The following TRAF3 variants were observed in gnomAD, a reference collection of about 807,000 sequenced individuals.
The protein encoded by TRAF3 is TNF receptor associated factor 3.
A neutral mutation model predicts 62.3 loss-of-function variants in TRAF3; 13 were observed. That is an observed-to-expected ratio of 0.21 (90% CI 0.14 to 0.33). The LOEUF (loss-of-function observed/expected upper bound fraction) is 0.33, where lower values mean the gene tolerates loss of function less well. Among genes scored for constraint, TRAF3 ranks in the 10% least tolerant of loss-of-function variants. TRAF3 has a pLI of 1.00. For missense variants in TRAF3, 440 were observed against 741.8 expected (o/e 0.59, Z 4.73); for synonymous variants, 269 against 283.4 (o/e 0.95, Z 0.51).
intron 8 of TRAF3, among the ~76,000 whole-genome samples, 175 bp downstream of exon 8, chr14:102,889,809 AG>A (rs1889608749): frequency 6.6e-6 from 1 of 152,224 alleles, no homozygotes; most frequent in African/African-American, 2.4e-5. Context: ...CTCGCTTTCC[AG>A]TTGGTGGTGC....
At chr14:102,777,901 C>T (rs1266286685) in intron 1 of TRAF3, among the ~76,000 whole-genome samples, 4 of 149,418 alleles carry the variant, frequency 2.7e-5, no homozygotes, top group Admixed American at 6.6e-5. Flanking sequence ...GACGCCTCAA[C>T]TTCGGCAAAC....
intron 2 of TRAF3, among the ~76,000 whole-genome samples, chr14:102,852,777 T>C (rs1887122346): frequency 6.6e-6 from 1 of 152,124 alleles, no homozygotes; most frequent in Non-Finnish European, 1.5e-5. Flanking sequence ...CGTAGTTCAC[T>C]GTAACCTTGA....
intron 2 of TRAF3, among the ~76,000 whole-genome samples, chr14:102,835,485 A>G (rs1885944816): frequency 6.6e-6 from 1 of 152,226 alleles, no homozygotes; most frequent in Non-Finnish European, 1.5e-5. Flanking sequence ...AATAGCAAAG[A>G]CATGGAATCC....
At chr14:102,811,425 A>G (rs1011168120) in intron 1 of TRAF3, among the ~76,000 whole-genome samples, 1 of 151,178 alleles carries the variant, frequency 6.6e-6, no homozygotes, top group African/African-American at 2.4e-5. Flanking sequence ...TCCTGGGCTT[A>G]AGCAGTTTTC....
chr14:102,903,123 G>A lies in TRAF3; in HGVS notation c.961-132G>A, dbSNP rs542256796. The stretch of plus-strand genomic sequence containing the variant: ...GCAGAGCCCCACTCCTGGAGTCAGA[G>A]CCGCGGGTGGCAGGCCTCATACAGG... On this transcript the variant is annotated intron_variant, in intron 10 of 11. Coordinates refer to ENST00000392745, the MANE Select transcript of TRAF3 (RefSeq NM_145725.3). The surrounding 1 kb of genome is among the most constrained non-coding windows in gnomAD (Gnocchi z 6.4). The A allele has an allele frequency of 3.6e-5, 45 of 1,267,524 alleles. No homozygotes were observed. The highest frequency in any genetic ancestry group is 7.4e-5 in the Admixed American group (4 of 54,172). 78.5% of individuals were successfully genotyped at this position (1,267,524 alleles called of 1,614,324 possible).
At chr14:102,781,350 A>G (rs1466452950) in intron 1 of TRAF3, among the ~76,000 whole-genome samples, 1 of 152,150 alleles carries the variant, frequency 6.6e-6, no homozygotes, top group Non-Finnish European at 1.5e-5. Flanking sequence ...CTGGGAGCTC[A>G]TGTGGGTCAT....
intron 2 of TRAF3, among the ~76,000 whole-genome samples, chr14:102,846,679 G>A (rs1055544062): frequency 2.7e-5 from 4 of 148,246 alleles, no homozygotes; most frequent in Non-Finnish European, 5.9e-5. Context: ...TTCCGGACAC[G>A]GTGGCATCCT....
chr14:102,899,316 A>C (rs951620338), intron 10 of TRAF3, among the ~76,000 whole-genome samples: 11 of 152,208 alleles, frequency 7.2e-5, no homozygotes, highest in African/African-American at 2.6e-4. Flanking sequence ...TGGGAGCTGC[A>C]CGGGGCCAGG....
chr14:102,806,424 C>G (rs773764605), intron 1 of TRAF3, among the ~76,000 whole-genome samples: 32 of 152,148 alleles, frequency 2.1e-4, no homozygotes, highest in South Asian at 8.3e-4. Context: ...TAATTTACAT[C>G]AAAACTTTGG....
At chr14:102,869,169 C>T (rs1443216325) in intron 2 of TRAF3, among the ~76,000 whole-genome samples, 1 of 152,226 alleles carries the variant, frequency 6.6e-6, no homozygotes. Context: ...GGGTCCACAA[C>T]GGGCCCACTC....
In TRAF3 at chr14:102,898,075, G is replaced by A. The variant is rs369966860; in HGVS notation, c.960+674G>A. The stretch of plus-strand genomic sequence containing the variant: ...TCCCATGGGTGTGTCACACACCGTG[G>A]AAGAATCACTCATGTCACTGAAGGG... On this transcript the variant is annotated intron_variant, in intron 10 of 11. Transcript: ENST00000392745. Among the ~76,000 whole-genome samples, 297 of 152,318 alleles carry A rather than the reference G, an allele frequency of 1.9e-3. 1 individual carries two copies. The highest frequency in any genetic ancestry group is 6.8e-3 in the Middle Eastern group (2 of 294).
At position 102,847,028 on chromosome 14, in the gene TRAF3, T is replaced by C. The variant is rs566962813; in HGVS notation, c.-18+16556T>C. Among the ~76,000 whole-genome samples, 6 of 152,290 alleles carry C rather than the reference T, an allele frequency of 3.9e-5. No homozygotes were observed. The East Asian group carries it at 1.2e-3, about 29-fold the overall frequency. On this transcript the variant is annotated intron_variant, in intron 2 of 11. Transcript: ENST00000392745. ...TCTATAAGTAAGTAATACCTCATAG[T>C]AAAAGCAGTTTTAAAATAATCAGAT...
intron 1 of TRAF3, among the ~76,000 whole-genome samples, chr14:102,816,756 C>G (rs945583954): frequency 6.6e-6 from 1 of 152,138 alleles, no homozygotes; most frequent in Non-Finnish European, 1.5e-5. Context: ...CCAGTCTTCT[C>G]TGTTTTCCAC....
intron 6 of TRAF3, among the ~76,000 whole-genome samples, chr14:102,884,522 G>A (rs1303526768): frequency 6.6e-6 from 1 of 152,026 alleles, no homozygotes; most frequent in African/African-American, 2.4e-5. Context: ...TCAAAAATAT[G>A]CTTAAGACTG....
chr14:102,798,265 A>G (rs1898208924), intron 1 of TRAF3, among the ~76,000 whole-genome samples: 1 of 150,334 alleles, frequency 6.7e-6, no homozygotes, highest in South Asian at 2.1e-4. Context: ...TCTGTTGCCC[A>G]GGTTGGAGTG....
intron 6 of TRAF3, among the ~76,000 whole-genome samples, chr14:102,878,408 G>T (rs903326717): frequency 7.0e-6 from 1 of 143,550 alleles, no homozygotes; most frequent in African/African-American, 2.6e-5. Context: ...GTGTGTGGGG[G>T]TGTGTGAATG....
At chr14:102,863,700 A>G (rs1406232907) in intron 2 of TRAF3, among the ~76,000 whole-genome samples, 1 of 152,158 alleles carries the variant, frequency 6.6e-6, no homozygotes, top group East Asian at 1.9e-4. Context: ...TTTTCTTCCC[A>G]AGCTTTTGGT....
chr14:102,834,958 A>T (rs546150417), intron 2 of TRAF3, among the ~76,000 whole-genome samples: 1 of 150,846 alleles, frequency 6.6e-6, no homozygotes, highest in South Asian at 2.1e-4. Flanking sequence ...CAGAGTAAAC[A>T]TACATCTTAC....
chr14:102,787,850 C>T, intron 1 of TRAF3, among the ~76,000 whole-genome samples: 1 of 149,114 alleles, frequency 6.7e-6, no homozygotes. Flanking sequence ...GTTTTCCTTT[C>T]CTTTTTCTTT....
Sources: gnomAD v4.1 joint callset for allele counts (sites outside exome capture counted in the v4.1 genomes callset) on GRCh38, gnomAD v4.1.1 for gene constraint, Gnocchi (gnomAD v3.1) non-coding constraint, MANE v1.5 for transcripts, NCBI Gene and HGNC (gene_info 2026-07-23, HGNC 2026-07-21) for gene names.